The following LINGO2 variants were observed in gnomAD, a reference collection of about 807,000 sequenced individuals.
LINGO2 encodes leucine rich repeat and Ig domain containing 2, also known as leucine-rich repeat and immunoglobulin-like domain-containing nogo receptor-interacting protein 2.
A neutral mutation model predicts 30.6 loss-of-function variants in LINGO2; 14 were observed. The ratio of observed to expected loss-of-function variants is 0.46; its 90% CI spans 0.30 to 0.72. LINGO2 has a LOEUF of 0.72. Among genes scored for constraint, LINGO2 ranks in the 30% least tolerant of loss-of-function variants. The probability of loss-of-function intolerance (pLI) is 0.07; values close to 1 mark genes in which losing one functional copy is unlikely to be tolerated. For missense variants in LINGO2, 729 were observed against 751.7 expected (o/e 0.97, Z 0.35); for synonymous variants, 317 against 288.5 (o/e 1.10, Z -1.00).
the LINGO2 span, among the ~76,000 whole-genome samples, chr9:29,150,023 G>A: frequency 6.6e-6 from 1 of 152,190 alleles, no homozygotes; most frequent in African/African-American, 2.4e-5. Context: ...TAAAGGGGTT[G>A]TATCTCCCTA....
In LINGO2 at chr9:28,044,040, G is replaced by A. The variant is rs532497029; in HGVS notation, c.-86-31635C>T. ...TTCGAATGTGAAGCTCCATGCCTTTGTACTAGCAGTTTTAGATCTGTCTTT... is the reference window on the plus strand; with the variant it reads ...TTCGAATGTGAAGCTCCATGCCTTTATACTAGCAGTTTTAGATCTGTCTTT... On this transcript the variant is annotated intron_variant, in intron 4 of 5. Coordinates refer to ENST00000379992, the Ensembl canonical transcript of LINGO2. 1.5e-4 allele frequency among the ~76,000 whole-genome samples: 23 copies of A among 152,234 alleles called. No homozygotes were observed. The South Asian group carries it at 2.5e-3, about 16-fold the overall frequency.
exon 6 of LINGO2, chr9:27,949,790 A>G: frequency 6.2e-7 from 1 of 1,614,168 alleles, no homozygotes; most frequent in African/African-American, 1.3e-5. Context: ...GGATCAGGTC[A>G]GAGAACATGC....
chr9:28,685,131 T>C, the LINGO2 span, among the ~76,000 whole-genome samples: 1 of 152,186 alleles, frequency 6.6e-6, no homozygotes, highest in Non-Finnish European at 1.5e-5. Context: ...CTTCTAGCCC[T>C]GTCCATGTTG....
chr9:29,137,450 G>A, the LINGO2 span, among the ~76,000 whole-genome samples: 4 of 152,148 alleles, frequency 2.6e-5, no homozygotes, highest in East Asian at 5.8e-4. Flanking sequence ...CAAATAAGGT[G>A]TGTGTATAGG....
the LINGO2 span, among the ~76,000 whole-genome samples, chr9:29,003,787 G>A: frequency 1.3e-5 from 2 of 152,060 alleles, no homozygotes; most frequent in East Asian, 3.9e-4. Flanking sequence ...CTGTGGTTAT[G>A]TACTGCATAA....
chr9:28,176,022 C>A (rs1423293428), intron 4 of LINGO2, among the ~76,000 whole-genome samples: 2 of 152,182 alleles, frequency 1.3e-5, no homozygotes, highest in African/African-American at 4.8e-5. Context: ...TTACTTTTAT[C>A]TAATAAAATC....
the LINGO2 span, among the ~76,000 whole-genome samples, chr9:28,845,211 T>C: frequency 1.8e-4 from 27 of 152,016 alleles, no homozygotes; most frequent in African/African-American, 3.4e-4. Context: ...GACAGTGCGA[T>C]GTGTCCAGAT....
chr9:28,918,313 G>A, the LINGO2 span, among the ~76,000 whole-genome samples: 1 of 152,132 alleles, frequency 6.6e-6, no homozygotes, highest in Non-Finnish European at 1.5e-5. Context: ...CCCCCCCAGG[G>A]TTCAAATTAT....
chr9:28,557,821 A>T (rs549992835), intron 1 of LINGO2, among the ~76,000 whole-genome samples: 10,745 of 151,808 alleles, frequency 0.071, 611 homozygotes, highest in African/African-American at 0.16. Flanking sequence ...CAGCCATAAA[A>T]AATAATGAGT....
intron 4 of LINGO2, among the ~76,000 whole-genome samples, chr9:28,018,521 A>G (rs1822954107): frequency 6.6e-6 from 1 of 152,200 alleles, no homozygotes; most frequent in Non-Finnish European, 1.5e-5. Flanking sequence ...AAACTATTAA[A>G]AAGTAGACAA....
the LINGO2 span, among the ~76,000 whole-genome samples, chr9:29,176,045 T>C: frequency 6.6e-6 from 1 of 152,164 alleles, no homozygotes; most frequent in Non-Finnish European, 1.5e-5. Context: ...GATCTGCACA[T>C]ACTCCATCCA....
the LINGO2 span, among the ~76,000 whole-genome samples, chr9:28,952,836 T>C: frequency 6.6e-6 from 1 of 152,128 alleles, no homozygotes; most frequent in Non-Finnish European, 1.5e-5. Flanking sequence ...TAAAAGCAAA[T>C]AAAATAATAC....
At chr9:28,428,885 G>T (rs1823526723) in intron 2 of LINGO2, among the ~76,000 whole-genome samples, 1 of 152,096 alleles carries the variant, frequency 6.6e-6, no homozygotes, top group Non-Finnish European at 1.5e-5. Flanking sequence ...GTATTAAGTG[G>T]TAAACTTTTA....
chr9:28,087,393 A>C (rs1825945485), intron 4 of LINGO2, among the ~76,000 whole-genome samples: 1 of 152,118 alleles, frequency 6.6e-6, no homozygotes, highest in Non-Finnish European at 1.5e-5. Context: ...CCAATATTTC[A>C]TTCTAATCAT....
the LINGO2 span, among the ~76,000 whole-genome samples, chr9:29,171,790 T>C: frequency 1.8e-3 from 277 of 152,030 alleles, no homozygotes; most frequent in Non-Finnish European, 3.3e-3. Context: ...CCCAACATTA[T>C]ATAATTGATA....
In LINGO2 at chr9:28,077,876, C is replaced by T. The variant is rs537649038; in HGVS notation, c.-86-65471G>A. 3.0e-4 allele frequency among the ~76,000 whole-genome samples: 44 copies of T among 148,938 alleles called. 2 individuals are homozygous for T. Among genetic ancestry groups the T allele is most frequent in the Middle Eastern group, 3.4e-3 (1 of 294 alleles). On this transcript the variant is annotated intron_variant, in intron 4 of 5. Transcript: ENST00000379992. ...TAACCTCATGCTCAATTTTCAGTTA[C>T]TTGTCTTTGTGAAAATGAACCTACT...
chr9:28,456,519 T>C (rs1280800958), intron 2 of LINGO2, among the ~76,000 whole-genome samples: 1 of 152,190 alleles, frequency 6.6e-6, no homozygotes, highest in Non-Finnish European at 1.5e-5. Context: ...TGCAGAAGTC[T>C]CCCTTGATTT....
intron 5 of LINGO2, among the ~76,000 whole-genome samples, chr9:28,000,091 A>G (rs1821871694): frequency 6.6e-6 from 1 of 152,330 alleles, no homozygotes; most frequent in East Asian, 1.9e-4. Flanking sequence ...ACTTAACAGG[A>G]TAAACTCAGT....
At chr9:28,902,428 T>C in the LINGO2 span, among the ~76,000 whole-genome samples, 1 of 152,114 alleles carries the variant, frequency 6.6e-6, no homozygotes, top group African/African-American at 2.4e-5. Context: ...TAGAATTAAA[T>C]ACAATAATAG....
Sources: gnomAD v4.1 joint callset for allele counts (sites outside exome capture counted in the v4.1 genomes callset) on GRCh38, gnomAD v4.1.1 for gene constraint, MANE v1.5 for transcripts, NCBI Gene and HGNC (gene_info 2026-07-23, HGNC 2026-07-21) for gene names.